The following DCC variants were observed in gnomAD, a reference collection of about 807,000 sequenced individuals.
The protein encoded by DCC is netrin receptor DCC.
DCC carries 58 observed loss-of-function variants against 172.5 expected under a neutral mutation model. The observed-to-expected ratio is 0.34, with a 90% confidence interval of 0.27 to 0.42. The LOEUF (loss-of-function observed/expected upper bound fraction) is 0.42, where lower values mean the gene tolerates loss of function less well. Ranked by LOEUF, DCC falls within the 10% of genes least tolerant of loss-of-function variation. DCC has a pLI of 1.00. For missense variants in DCC, 1,740 were observed against 1,791.0 expected (o/e 0.97, Z 0.51); for synonymous variants, 709 against 644.5 (o/e 1.10, Z -1.52).
At chr18:52,708,034 A>G (rs918086069) in intron 1 of DCC, among the ~76,000 whole-genome samples, 2 of 152,232 alleles carry the variant, frequency 1.3e-5, no homozygotes, top group Non-Finnish European at 2.9e-5. Flanking sequence ...CAGTATGTGA[A>G]GTAGTGCATA....
intron 2 of DCC, among the ~76,000 whole-genome samples, chr18:52,897,192 T>C (rs76703070): frequency 0.012 from 1,862 of 152,300 alleles, 16 homozygotes; most frequent in Middle Eastern, 0.024. Context: ...TTCAAGGATC[T>C]GGAACAGTAC....
At chr18:52,936,133 T>C (rs2040379203) in intron 5 of DCC, among the ~76,000 whole-genome samples, 1 of 152,140 alleles carries the variant, frequency 6.6e-6, no homozygotes, top group Admixed American at 6.6e-5. Flanking sequence ...TCAAGAAAAC[T>C]ATTAAATCCC....
At chr18:52,655,273 AGGT>A (rs2144933304) in intron 1 of DCC, among the ~76,000 whole-genome samples, 1 of 152,320 alleles carries the variant, frequency 6.6e-6, no homozygotes, top group African/African-American at 2.4e-5. Context: ...ACTAAGTCAC[AGGT>A]GAACATTGAG....
chr18:53,134,873 A>G (rs2043716446), intron 7 of DCC, among the ~76,000 whole-genome samples: 1 of 152,086 alleles, frequency 6.6e-6, no homozygotes, highest in African/African-American at 2.4e-5. Flanking sequence ...ATGACAGGAG[A>G]CAAACTGGAA....
intron 5 of DCC, among the ~76,000 whole-genome samples, chr18:52,971,901 T>C (rs888340241): frequency 1.3e-5 from 2 of 152,148 alleles, no homozygotes; most frequent in African/African-American, 4.8e-5. Flanking sequence ...CAACAAACTT[T>C]AACAGCACAT....
intron 1 of DCC, among the ~76,000 whole-genome samples, chr18:52,545,538 T>C (rs1042363558): frequency 1.3e-5 from 2 of 152,164 alleles, no homozygotes; most frequent in African/African-American, 2.4e-5. Flanking sequence ...AGTATCACCA[T>C]GAGGGGGATT....
intron 1 of DCC, among the ~76,000 whole-genome samples, chr18:52,357,589 C>T (rs976372391): frequency 1.3e-5 from 2 of 152,094 alleles, no homozygotes; most frequent in East Asian, 1.9e-4. Context: ...ACTCTACTCT[C>T]GAAGAGTAGA....
chr18:53,400,821 C>G lies in DCC; in HGVS notation c.2828-1965C>G, dbSNP rs552321283. On this transcript the variant is annotated intron_variant, in intron 18 of 28. Transcript: ENST00000442544. ...GCTAAAGTTGAAGAATCACTTTATC[C>G]TTTTTGAATGCGTAACAGATTCAGT... is the stretch of plus-strand genomic sequence containing the variant. Among the ~76,000 whole-genome samples, 3 of 152,064 alleles carry G rather than the reference C, an allele frequency of 2.0e-5. No individual in the cohort carries two copies. In the East Asian group the frequency reaches 5.8e-4, roughly 29 times the overall value.
chr18:52,508,093 C>T lies in DCC; in HGVS notation c.91+167215C>T, dbSNP rs534839995. Among the ~76,000 whole-genome samples, 7 of 103,846 alleles carry T rather than the reference C, an allele frequency of 6.7e-5. No individual in the cohort carries two copies. The South Asian group carries it at 1.7e-3, about 26-fold the overall frequency. 68.1% of individuals were successfully genotyped at this position (103,846 alleles called of 152,430 possible). ...CCAGCCTGGGTGACAGAGCAAGACT[C>T]TGTCTCAAAAAAAAAAAATTATTAT... On this transcript the variant is annotated intron_variant, in intron 1 of 28. Transcript: ENST00000442544.
chr18:52,415,537 C>T (rs1986991984), intron 1 of DCC, among the ~76,000 whole-genome samples: 1 of 152,058 alleles, frequency 6.6e-6, no homozygotes, highest in South Asian at 2.1e-4. Context: ...AGTTTGTAAT[C>T]TAGAGGAGGG....
chr18:52,951,835 G>T (rs1290317591), intron 5 of DCC, among the ~76,000 whole-genome samples: 1 of 152,182 alleles, frequency 6.6e-6, no homozygotes, highest in Non-Finnish European at 1.5e-5. Flanking sequence ...ATTACAATTT[G>T]TGTTATTATT....
chr18:52,802,018 A>T (rs1305896197), intron 2 of DCC, among the ~76,000 whole-genome samples: 1 of 148,768 alleles, frequency 6.7e-6, no homozygotes, highest in African/African-American at 2.5e-5. Flanking sequence ...TTTTTTTTTT[A>T]ACCATTCCCT....
chr18:53,233,378 G>A (rs1252631735), intron 12 of DCC, among the ~76,000 whole-genome samples: 2 of 152,114 alleles, frequency 1.3e-5, no homozygotes, highest in East Asian at 1.9e-4. Flanking sequence ...GTAATATGCA[G>A]GGATAGATCT....
At chr18:52,859,240 G>T (rs2145357407) in intron 2 of DCC, among the ~76,000 whole-genome samples, 1 of 152,284 alleles carries the variant, frequency 6.6e-6, no homozygotes, top group South Asian at 2.1e-4. Flanking sequence ...TGCTAATCCT[G>T]TTATCTGATG....
intron 1 of DCC, among the ~76,000 whole-genome samples, chr18:52,462,986 A>G (rs1988677280): frequency 1.3e-5 from 2 of 152,110 alleles, no homozygotes; most frequent in African/African-American, 4.8e-5. Flanking sequence ...GGATCCATAG[A>G]TTCTCAGGAA....
chr18:52,508,196 T>C (rs1261493242), intron 1 of DCC, among the ~76,000 whole-genome samples: 2 of 152,212 alleles, frequency 1.3e-5, no homozygotes, highest in Non-Finnish European at 2.9e-5. Context: ...TGTCTGCTTT[T>C]CTGTTATGTC....
chr18:53,422,074 A>T (rs961872583), intron 21 of DCC, among the ~76,000 whole-genome samples: 1 of 152,142 alleles, frequency 6.6e-6, no homozygotes, highest in African/African-American at 2.4e-5. Context: ...GGAGGTTATA[A>T]GGAAAAGCAC....
At chr18:52,669,808 T>A (rs369429307) in intron 1 of DCC, among the ~76,000 whole-genome samples, 62 of 152,148 alleles carry the variant, frequency 4.1e-4, no homozygotes, top group African/African-American at 1.4e-3. Flanking sequence ...GAAATAGCAA[T>A]GACATTCAGA....
chr18:53,266,798 G>T (rs2144696095), intron 12 of DCC, among the ~76,000 whole-genome samples: 1 of 150,700 alleles, frequency 6.6e-6, no homozygotes, highest in South Asian at 2.1e-4. Context: ...GTTGTGATTG[G>T]CTTCTTTCAT....
Sources: allele counts gnomAD v4.1 joint callset (sites outside exome capture counted in the v4.1 genomes callset), GRCh38; gene constraint gnomAD v4.1.1; transcripts MANE v1.5; gene names NCBI Gene and HGNC (gene_info 2026-07-23, HGNC 2026-07-21).